Variants in SHB observed in about 807,000 individuals in gnomAD.
SHB encodes SH2 domain containing adaptor protein B.
In SHB, 20 loss-of-function variants were observed where a neutral mutation model predicts 52.3. That is an observed-to-expected ratio of 0.38 (90% confidence interval 0.27 to 0.56). The LOEUF is 0.56. Among genes scored for constraint, SHB ranks in the 20% least tolerant of loss-of-function variants. The pLI, the probability that SHB is intolerant of heterozygous loss-of-function variation, is 0.71. For synonymous variants in SHB, 397 were observed against 316.5 expected (o/e 1.25, Z -2.70); for missense variants, 825 against 723.3 (o/e 1.14, Z -1.61).
chr9:37,966,664 G>C (rs1262863863), intron 3 of SHB, among the ~76,000 whole-genome samples: 1 of 152,196 alleles, frequency 6.6e-6, no homozygotes, highest in Admixed American at 6.5e-5. Context: ...AGCTATACAG[G>C]GGACAGGAAG....
At chr9:37,982,617 C>T (rs1820747960) in intron 2 of SHB, among the ~76,000 whole-genome samples, 1 of 146,256 alleles carries the variant, frequency 6.8e-6, no homozygotes. Flanking sequence ...ATGGTGAAAC[C>T]CCGTCTCTAC....
chr9:37,989,619 G>A lies in SHB; in HGVS notation c.839-14782C>T, dbSNP rs571885669. Among the ~76,000 whole-genome samples the A allele has an allele frequency of 1.1e-4, 16 of 152,286 alleles. No individual in the cohort carries two copies. The East Asian group carries it at 2.3e-3, about 22-fold the overall frequency. On this transcript the variant is annotated intron_variant, in intron 2 of 5. Transcript: ENST00000377707. ...GGCAACTCCATTTAAGTGGGGAAAC[G>A]GGAAACTCAAAATTGAAGGGCCTTG... is the stretch of plus-strand genomic sequence containing the variant.
At chr9:38,039,770 C>T (rs1261506994) in intron 1 of SHB, among the ~76,000 whole-genome samples, 2 of 152,256 alleles carry the variant, frequency 1.3e-5, no homozygotes, top group Non-Finnish European at 2.9e-5. Context: ...GCCGGGCCCA[C>T]CATCCCCTCC....
intron 5 of SHB, among the ~76,000 whole-genome samples, chr9:37,941,961 TTTA>T (rs1229028996): frequency 6.6e-6 from 1 of 152,190 alleles, no homozygotes; most frequent in African/African-American, 2.4e-5. Context: ...CCCCTAAACC[TTTA>T]TTATTTCTTT....
At chr9:38,062,347 T>G (rs1377489278) in intron 1 of SHB, among the ~76,000 whole-genome samples, 1 of 152,220 alleles carries the variant, frequency 6.6e-6, no homozygotes, top group Non-Finnish European at 1.5e-5. Context: ...TCGAAGGCCC[T>G]AATTAATGGC....
chr9:38,001,984 GCA>G (rs74392207), intron 2 of SHB, among the ~76,000 whole-genome samples: 64,087 of 151,750 alleles, frequency 0.42, 13,901 homozygotes, highest in Middle Eastern at 0.5. Context: ...CTGGCTCTGA[GCA>G]CAGACTCTTT....
rs371048503 is a variant in SHB at position 37,946,906 on chromosome 9, CACTTGAGTCCTGT to C, written c.1346+1716_1346+1728del. Among the ~76,000 whole-genome samples the C allele has an allele frequency of 1.1e-3, 164 of 152,306 alleles. 4 individuals carry two copies. The East Asian group carries it at 0.026, about 24-fold the overall frequency. On this transcript the variant is annotated intron_variant, in intron 5 of 5. Transcript: ENST00000377707. ...CCCAGTATGCAGGGAAGGCTGGTGA[CACTTGAGTCCTGT>C]CGCTGATGCCACCTGCTTCCTTTAC...
chr9:38,035,792 G>C (rs1821479657), intron 1 of SHB, among the ~76,000 whole-genome samples: 1 of 152,116 alleles, frequency 6.6e-6, no homozygotes, highest in Admixed American at 6.6e-5. Flanking sequence ...CAACATAGCT[G>C]CACATCAGAA....
At chr9:38,051,506 A>G (rs1821749272) in intron 1 of SHB, among the ~76,000 whole-genome samples, 1 of 151,574 alleles carries the variant, frequency 6.6e-6, no homozygotes, top group Non-Finnish European at 1.5e-5. Flanking sequence ...GAGACCTCAA[A>G]GCATGCCCGG....
At chr9:37,944,911 C>G (rs1309288622) in intron 5 of SHB, among the ~76,000 whole-genome samples, 1 of 152,232 alleles carries the variant, frequency 6.6e-6, no homozygotes, top group African/African-American at 2.4e-5. Flanking sequence ...TCCCAAGACC[C>G]CCCTGTGCAG....
intron 1 of SHB, among the ~76,000 whole-genome samples, chr9:38,034,750 G>T (rs1251518510): frequency 1.3e-5 from 2 of 152,254 alleles, no homozygotes; most frequent in Non-Finnish European, 2.9e-5. Flanking sequence ...AGGCTGGAGT[G>T]CAGTGGTGCG....
intron 3 of SHB, among the ~76,000 whole-genome samples, chr9:37,957,298 C>T (rs1408611474): frequency 6.6e-6 from 1 of 152,312 alleles, no homozygotes; most frequent in Non-Finnish European, 1.5e-5. Context: ...GCCAGACACA[C>T]GAAAATCAAC....
chr9:37,929,005 G>C (rs1832282328), intron 5 of SHB, among the ~76,000 whole-genome samples: 1 of 152,246 alleles, frequency 6.6e-6, no homozygotes, highest in African/African-American at 2.4e-5. Context: ...GCCCAAAGGG[G>C]GCCAGCGCCC....
chr9:37,974,234 C>T (rs1191961424), intron 3 of SHB, among the ~76,000 whole-genome samples: 1 of 152,074 alleles, frequency 6.6e-6, no homozygotes, highest in Non-Finnish European at 1.5e-5. Context: ...CCAGCCTGGG[C>T]AACAAGAGCG....
intron 3 of SHB, among the ~76,000 whole-genome samples, chr9:37,974,258 AAAAT>A (rs756553606): frequency 2.6e-5 from 4 of 152,104 alleles, no homozygotes; most frequent in African/African-American, 7.2e-5. Flanking sequence ...CTCTGTCTCA[AAAAT>A]AAATAAATAA....
intron 1 of SHB, among the ~76,000 whole-genome samples, chr9:38,030,261 T>G (rs1414484847): frequency 6.6e-6 from 1 of 152,216 alleles, no homozygotes; most frequent in African/African-American, 2.4e-5. Flanking sequence ...CTGGACCATG[T>G]ACAACTTCCC....
chr9:37,982,671 C>T lies in SHB; in HGVS notation c.839-7834G>A, dbSNP rs184237070. The stretch of plus-strand genomic sequence containing the variant: ...AAAATTAGCCAGGTGTGGTGGCACA[C>T]GCCTGTAGTCCTAGCTACTCGGGAG... On this transcript the variant is annotated intron_variant, in intron 2 of 5. Coordinates refer to ENST00000377707, the MANE Select transcript of SHB (RefSeq NM_003028.3). 7.4e-3 allele frequency among the ~76,000 whole-genome samples: 1,119 copies of T among 151,900 alleles called. 13 individuals are homozygous for T. The highest frequency in any genetic ancestry group is 0.025 in the African/African-American group (1,043 of 41,368).
intron 2 of SHB, among the ~76,000 whole-genome samples, chr9:38,001,668 G>T (rs1389950110): frequency 1.3e-5 from 2 of 152,248 alleles, no homozygotes; most frequent in Non-Finnish European, 2.9e-5. Flanking sequence ...CAGGGACACT[G>T]AGGCACAAGC....
chr9:37,953,611 A>G (rs1363537033), intron 4 of SHB, among the ~76,000 whole-genome samples: 1 of 152,082 alleles, frequency 6.6e-6, no homozygotes, highest in Non-Finnish European at 1.5e-5. Context: ...ACCTAGGCAG[A>G]TGTGTGCCTG....
Sources: allele counts gnomAD v4.1 joint callset (sites outside exome capture counted in the v4.1 genomes callset), GRCh38; gene constraint gnomAD v4.1.1; transcripts MANE v1.5; gene names NCBI Gene and HGNC (gene_info 2026-07-23, HGNC 2026-07-21).